BRD10: variants seen among roughly 807,000 people sequenced by gnomAD.
BRD10 encodes the protein bromodomain containing 10, also known as uncharacterized bromodomain-containing protein 10.
At chr9:5,920,762 G>A in the BRD10 span, 18 of 1,613,946 alleles carry the variant, frequency 1.1e-5, no homozygotes, top group Non-Finnish European at 1.4e-5. Context: ...TAAGGCAACC[G>A]TAACAGGAAT....
the BRD10 span, among the ~76,000 whole-genome samples, chr9:5,895,300 G>A: frequency 6.6e-6 from 1 of 152,006 alleles, no homozygotes; most frequent in Non-Finnish European, 1.5e-5. Context: ...AATGTCAAAA[G>A]TCATTCCTCT....
chr9:5,970,851 A>G, the BRD10 span, among the ~76,000 whole-genome samples: 2 of 152,060 alleles, frequency 1.3e-5, no homozygotes, highest in African/African-American at 4.8e-5. Flanking sequence ...AGGAATTTTG[A>G]GACCAGCCAG....
chr9:5,997,345 C>T, the BRD10 span, among the ~76,000 whole-genome samples: 7 of 151,862 alleles, frequency 4.6e-5, no homozygotes, highest in African/African-American at 9.7e-5. Context: ...ATTTCTTATG[C>T]GAAGTGAACA....
At chr9:5,886,081 A>G in the BRD10 span, among the ~76,000 whole-genome samples, 1 of 152,252 alleles carries the variant, frequency 6.6e-6, no homozygotes, top group Admixed American at 6.5e-5. Context: ...GCAGCCGGCT[A>G]TCAACCCTCG....
chr9:5,975,860 T>A, the BRD10 span, among the ~76,000 whole-genome samples: 3 of 152,134 alleles, frequency 2.0e-5, no homozygotes, highest in Non-Finnish European at 4.4e-5. Context: ...GTTTGGGGGT[T>A]AAAAATGAGA....
the BRD10 span, among the ~76,000 whole-genome samples, chr9:5,905,320 C>G: frequency 3.9e-4 from 59 of 152,244 alleles, no homozygotes; most frequent in African/African-American, 1.4e-3. Flanking sequence ...TTGGCCATGA[C>G]GGGAAGGGAG....
At chr9:5,981,246 C>A in the BRD10 span, among the ~76,000 whole-genome samples, 2 of 152,208 alleles carry the variant, frequency 1.3e-5, no homozygotes, top group African/African-American at 4.8e-5. Context: ...CTGGCTCTCT[C>A]CTCATGAGGT....
chr9:6,006,991 G>C, the BRD10 span, among the ~76,000 whole-genome samples: 1 of 152,138 alleles, frequency 6.6e-6, no homozygotes, highest in Non-Finnish European at 1.5e-5. Flanking sequence ...TTCCTTCTCA[G>C]TCTACGCGCA....
the BRD10 span, chr9:5,908,648 T>C: frequency 6.2e-7 from 1 of 1,614,068 alleles, no homozygotes; most frequent in Non-Finnish European, 8.5e-7. Context: ...AGGTTCCCAA[T>C]GCTCCACCTG....
chr9:5,897,627 A>T, the BRD10 span: 1 of 1,614,116 alleles, frequency 6.2e-7, no homozygotes, highest in Non-Finnish European at 8.5e-7. Context: ...GTATTGTAGA[A>T]GACGAAATGG....
At chr9:5,953,336 T>C in the BRD10 span, among the ~76,000 whole-genome samples, 1 of 152,048 alleles carries the variant, frequency 6.6e-6, no homozygotes, top group South Asian at 2.1e-4. Context: ...TTGAAGAAAA[T>C]ACATCTTTTA....
At chr9:5,922,108 G>C in the BRD10 span, 1 of 1,613,954 alleles carries the variant, frequency 6.2e-7, no homozygotes, top group East Asian at 2.2e-5. Flanking sequence ...GATCTGGGTT[G>C]GTCTGTACTT....
At chr9:5,923,329 G>A in the BRD10 span, 12 of 1,544,878 alleles carry the variant, frequency 7.8e-6, no homozygotes, top group African/African-American at 1.5e-4. Context: ...ATAAAAACGG[G>A]CATTTTGTTT....
chr9:5,936,052 C>T, the BRD10 span, among the ~76,000 whole-genome samples: 1,119 of 152,158 alleles, frequency 7.4e-3, 15 homozygotes, highest in African/African-American at 0.026. Context: ...TTTTCAATTG[C>T]TTTTTAAAAA....
At chr9:5,956,749 C>G in the BRD10 span, among the ~76,000 whole-genome samples, 13 of 152,278 alleles carry the variant, frequency 8.5e-5, no homozygotes, top group South Asian at 2.7e-3. Context: ...TAAACTACCA[C>G]TCTACTTTGT....
the BRD10 span, chr9:5,929,266 T>C: frequency 1.7e-6 from 1 of 581,506 alleles, no homozygotes; most frequent in South Asian, 2.6e-5. Context: ...TAAAAACGTA[T>C]TTCTTCTTCA....
At chr9:5,900,543 T>C in the BRD10 span, among the ~76,000 whole-genome samples, 1 of 152,326 alleles carries the variant, frequency 6.6e-6, no homozygotes, top group Admixed American at 6.5e-5. Flanking sequence ...TCTATTTTCA[T>C]TTTAAAGCAA....
the BRD10 span, among the ~76,000 whole-genome samples, chr9:5,889,842 C>T: frequency 6.6e-6 from 1 of 152,244 alleles, no homozygotes; most frequent in Middle Eastern, 3.4e-3. Context: ...TGGTCCGACA[C>T]CGCAATTACT....
At chr9:5,920,875 A>C in the BRD10 span, 36 of 1,614,018 alleles carry the variant, frequency 2.2e-5, no homozygotes, top group South Asian at 3.8e-4. Context: ...ATATAGCCAC[A>C]GTGTTTCCGA....
Sources: allele counts gnomAD v4.1 joint callset (sites outside exome capture counted in the v4.1 genomes callset), GRCh38; gene constraint gnomAD v4.1.1; transcripts MANE v1.5; gene names NCBI Gene and HGNC (gene_info 2026-07-23, HGNC 2026-07-21).